Variants in RYR2 observed in about 807,000 individuals in gnomAD.
RYR2 encodes ryanodine receptor 2.
Under a neutral mutation model 601.1 loss-of-function variants are expected in RYR2, and 227 were observed. The ratio of observed to expected loss-of-function variants is 0.38; its 90% CI spans 0.34 to 0.42. The LOEUF (loss-of-function observed/expected upper bound fraction) is 0.42. RYR2 is among the 10% of genes least tolerant of loss of function. The pLI, the probability that RYR2 is intolerant of heterozygous loss-of-function variation, is 1.00. For missense variants in RYR2, 4,646 were observed against 6,156.5 expected, an observed-to-expected ratio of 0.75 and a Z score of 8.21; for synonymous variants, 2,223 against 2,175.1, an observed-to-expected ratio of 1.02 and a Z score of -0.61.
Position 237,099,040 on chromosome 1 carries a change from C to T in RYR2, c.48+56471C>T, listed in dbSNP as rs953804031. 3.9e-5 allele frequency among the ~76,000 whole-genome samples: 6 copies of T among 152,102 alleles called. No individual in the cohort carries two copies. In the East Asian group the frequency reaches 7.7e-4, roughly 20 times the overall value. On this transcript the variant is annotated intron_variant, in intron 1 of 104. Coordinates refer to ENST00000366574, the MANE Select transcript of RYR2 (RefSeq NM_001035.3). The stretch of plus-strand genomic sequence containing the variant: ...TCTCACCTGCGGGGACAACAAGCCA[C>T]CTTCTCCCGATAAATGAATGGGCTT...
chr1:237,275,017 A>C (rs545814327), intron 2 of RYR2, among the ~76,000 whole-genome samples: 22 of 151,792 alleles, frequency 1.4e-4, no homozygotes, highest in Non-Finnish European at 2.8e-4. Context: ...CATTTCTAGC[A>C]TGTGTCCCCA....
intron 87 of RYR2, among the ~76,000 whole-genome samples, chr1:237,774,124 G>A (rs1293353194): frequency 2.6e-5 from 4 of 151,844 alleles, no homozygotes; most frequent in Non-Finnish European, 4.4e-5. Context: ...TATTCTCCTT[G>A]GACTAAGCTT....
At chr1:237,282,152 C>G (rs184645078) in intron 2 of RYR2, among the ~76,000 whole-genome samples, 8 of 151,030 alleles carry the variant, frequency 5.3e-5, no homozygotes, top group African/African-American at 1.7e-4. Flanking sequence ...AGTGAACACA[C>G]TGCAGCAAAT....
At chr1:237,305,557 A>G (rs1693786885) in intron 2 of RYR2, among the ~76,000 whole-genome samples, 2 of 152,106 alleles carry the variant, frequency 1.3e-5, no homozygotes, top group Non-Finnish European at 2.9e-5. Flanking sequence ...TCAACCTCCC[A>G]AGTATCTGAA....
chr1:237,614,781 G>T lies in RYR2; in HGVS notation c.5653G>T (p.Gly1885Trp), dbSNP rs200197527. 8 of 1,610,042 alleles carry T rather than the reference G, an allele frequency of 5.0e-6. No homozygotes were observed. The highest frequency in any genetic ancestry group is 6.8e-6 in the Non-Finnish European group (8 of 1,177,104). ...AGGAGCTGGTGAGGAAGAAGCCAAG[G>T]GGGGCAAGCGGCCCAAGGAAGGCCT... ...LQGAGEEEAK[G>W]GKRPKEGLLQ... Residue 1885 changes from glycine to tryptophan, a missense_variant, in exon 37 of 105, where the codon GGG (glycine) becomes TGG (tryptophan). Gly to Trp is a radical substitution (Grantham distance 184). Around this residue, in one of 17 missense-constraint regions of RYR2, gnomAD observed 1,807 missense variants for 2,088.1 expected, o/e 0.87. Coordinates refer to ENST00000366574, the MANE Select transcript of RYR2 (RefSeq NM_001035.3). The surrounding 1 kb of genome is among the most constrained non-coding windows in gnomAD (Gnocchi z 4.3).
At chr1:237,338,603 C>T (rs1217131928) in intron 3 of RYR2, among the ~76,000 whole-genome samples, 19 of 152,122 alleles carry the variant, frequency 1.2e-4, no homozygotes, top group Admixed American at 1.2e-3. Flanking sequence ...TAATAGCAGC[C>T]TGTTCAGTCT....
At chr1:237,756,127 GA>G (rs1210950038) in intron 80 of RYR2, among the ~76,000 whole-genome samples, 160 bp from the exon 81 acceptor site, 1 of 151,822 alleles carries the variant, frequency 6.6e-6, no homozygotes, top group East Asian at 1.9e-4. Context: ...AACAATAGTT[GA>G]ATATGTTAAT....
chr1:237,269,234 G>T (rs1689439505), intron 1 of RYR2, among the ~76,000 whole-genome samples: 1 of 151,506 alleles, frequency 6.6e-6, no homozygotes, highest in African/African-American at 2.4e-5. Flanking sequence ...GTAGAGACAG[G>T]GTTTCTGCAT....
At chr1:237,350,472 G>GAGGCAGGAGAATAGCTTC (rs1282565897) in intron 3 of RYR2, among the ~76,000 whole-genome samples, 1 of 148,778 alleles carries the variant, frequency 6.7e-6, no homozygotes, top group African/African-American at 2.5e-5. Flanking sequence ...TCGGGAGGCT[G>GAGGCAGGAGAATAGCTTC]AGGCAGGAGA....
chr1:237,704,635 G>T (rs1305336253), intron 66 of RYR2, among the ~76,000 whole-genome samples: 1 of 151,720 alleles, frequency 6.6e-6, no homozygotes, highest in Non-Finnish European at 1.5e-5. Context: ...AAAATTCGAG[G>T]TCACTTTTTT....
intron 80 of RYR2, among the ~76,000 whole-genome samples, chr1:237,744,347 T>C (rs1691872767): frequency 9.7e-6 from 1 of 103,334 alleles, no homozygotes; most frequent in Non-Finnish European, 2.3e-5. Context: ...TGTTTGTTTG[T>C]TTAAAAAAAA....
At chr1:237,117,814 C>T (rs745316198) in intron 1 of RYR2, among the ~76,000 whole-genome samples, 10 of 151,854 alleles carry the variant, frequency 6.6e-5, no homozygotes, top group Admixed American at 5.9e-4. Flanking sequence ...GGCACAATCT[C>T]GGCTCACTGC....
At chr1:237,829,534 T>TC (rs1663537299) in intron 102 of RYR2, among the ~76,000 whole-genome samples, 1 of 152,182 alleles carries the variant, frequency 6.6e-6, no homozygotes, top group Non-Finnish European at 1.5e-5. Flanking sequence ...AAGAACAGGT[T>TC]CATCGGTAAA....
intron 1 of RYR2, among the ~76,000 whole-genome samples, chr1:237,204,342 C>A (rs1681540249): frequency 6.6e-6 from 1 of 152,182 alleles, no homozygotes; most frequent in African/African-American, 2.4e-5. Flanking sequence ...TATCCCTCTA[C>A]TTTTGATTCC....
At chr1:237,755,521 A>T (rs952008280) in intron 80 of RYR2, among the ~76,000 whole-genome samples, 1 of 152,298 alleles carries the variant, frequency 6.6e-6, no homozygotes, top group Non-Finnish European at 1.5e-5. Context: ...TTCCTTCTCA[A>T]TTCTCCAGTG....
intron 1 of RYR2, among the ~76,000 whole-genome samples, chr1:237,194,510 G>A (rs967088808): frequency 7.9e-5 from 12 of 152,140 alleles, no homozygotes; most frequent in African/African-American, 2.4e-4. Context: ...GCAGGTGGCC[G>A]AGACAGGAAG....
chr1:237,111,506 TGAA>T (rs1669467707), intron 1 of RYR2, among the ~76,000 whole-genome samples: 1 of 151,484 alleles, frequency 6.6e-6, no homozygotes, highest in Non-Finnish European at 1.5e-5. Flanking sequence ...GAGAATCGCT[TGAA>T]CCTGGGAGGC....
chr1:237,686,029 C>T (rs1352893714), intron 62 of RYR2, among the ~76,000 whole-genome samples: 1 of 152,192 alleles, frequency 6.6e-6, no homozygotes, highest in Non-Finnish European at 1.5e-5. Context: ...ACAAACGTTA[C>T]CTTCTCTGCT....
intron 11 of RYR2, among the ~76,000 whole-genome samples, chr1:237,420,758 T>C (rs1437131837): frequency 6.6e-6 from 1 of 152,216 alleles, no homozygotes; most frequent in Non-Finnish European, 1.5e-5. Flanking sequence ...TAGCAAATAG[T>C]ATATATCTGG....
Sources: gnomAD v4.1 joint callset for allele counts (sites outside exome capture counted in the v4.1 genomes callset) on GRCh38, gnomAD v4.1.1 for gene constraint, gnomAD v4.1.1 regional missense constraint, Gnocchi (gnomAD v3.1) non-coding constraint, MANE v1.5 for transcripts, NCBI Gene and HGNC (gene_info 2026-07-23, HGNC 2026-07-21) for gene names.